Variants in SIGIRR observed in about 807,000 individuals in gnomAD.
The protein encoded by SIGIRR is single Ig IL-1-related receptor.
A neutral mutation model predicts 45.6 loss-of-function variants in SIGIRR; 41 were observed. The ratio of observed to expected loss-of-function variants is 0.90; its 90% CI spans 0.70 to 1.17. The LOEUF (loss-of-function observed/expected upper bound fraction) is 1.17. Among genes scored for constraint, SIGIRR ranks in the 50% most tolerant of loss-of-function variants. The pLI is 0.00. For synonymous variants in SIGIRR, 298 were observed against 239.0 expected (o/e 1.25, Z -2.28); for missense variants, 599 against 539.6 (o/e 1.11, Z -1.09).
At chr11:413,663 TCCTTGCACCCTCTC>T (rs1847770779) in intron 1 of SIGIRR, among the ~76,000 whole-genome samples, 2 of 125,628 alleles carry the variant, frequency 1.6e-5, no homozygotes, top group Admixed American at 1.5e-4. Context: ...TGCCTGCCTC[TCCTTGCACCCTCTC>T]CCCTGCACCC....
At chr11:415,291 G>A (rs187852463), upstream of SIGIRR, among the ~76,000 whole-genome samples, 115 of 151,390 alleles carry the variant, frequency 7.6e-4, no homozygotes, top group Middle Eastern at 6.8e-3. The surrounding 1 kb of genome is among the most constrained non-coding windows in gnomAD (Gnocchi z 6.6). Context: ...CAGTATGTGC[G>A]TGTGCGTGCG....
rs1400475286 is a variant in SIGIRR, at chr11:406,030, A to T, written c.1099T>A (p.Ser367Thr). 1.2e-6 allele frequency: 2 copies of T among 1,602,336 alleles called. No individual in the cohort carries two copies. Among genetic ancestry groups the T allele is most frequent in the Non-Finnish European group, 1.7e-6 (2 of 1,175,306 alleles). ...ACCCCACTGGTGTGCGGTGGAGCTG[A>T]TGGCTCTCCAAAGACAGGCCCCCGG... ...GVRGPVFGEP[S>T]APPHTSGVSL... is the part of the protein sequence containing the mutation. The change falls in exon 10 of 10, where the codon TCA (serine) becomes ACA (threonine). Residue 367 changes from serine (S) to threonine (T), a missense_variant. Ser to Thr is a moderately conservative substitution (Grantham distance 58). Coordinates refer to ENST00000431843, the MANE Select transcript of SIGIRR (RefSeq NM_001135054.2).
At chr11:408,948 C>G in intron 2 of SIGIRR, 55 bp from the exon 3 acceptor site, 2 of 1,523,840 alleles carry the variant, frequency 1.3e-6, no homozygotes, top group Non-Finnish European at 9.1e-7. Context: ...GCCCCACCAC[C>G]TCCACAGTGG....
intron 1 of SIGIRR, 88 bp from the exon 2 acceptor site, chr11:410,115 G>T: frequency 1.7e-6 from 2 of 1,154,874 alleles, no homozygotes; most frequent in Non-Finnish European, 1.1e-6. Flanking sequence ...GCCCTGACCA[G>T]ATGCGACCCT....
At chr11:413,537 C>G (rs952006713) in intron 1 of SIGIRR, among the ~76,000 whole-genome samples, 1 of 151,976 alleles carries the variant, frequency 6.6e-6, no homozygotes, top group Non-Finnish European at 1.5e-5. Flanking sequence ...CCTCAAAGTC[C>G]TCCCTCCAAA....
At chr11:409,408 G>T (rs1466331728) in intron 2 of SIGIRR, 2 of 258,726 alleles carry the variant, frequency 7.7e-6, no homozygotes, top group Non-Finnish European at 1.5e-5. Flanking sequence ...GGAGCAGTTG[G>T]CCTCATTCCT....
chr11:408,945 C>A (rs748174013), intron 2 of SIGIRR, 52 bp from the exon 3 acceptor site: 4 of 1,548,676 alleles, frequency 2.6e-6, no homozygotes, highest in Non-Finnish European at 3.6e-6. Context: ...CTGGCCCCAC[C>A]ACCTCCACAG....
At chr11:409,508 G>C in intron 2 of SIGIRR, 2 of 342,304 alleles carry the variant, frequency 5.8e-6, no homozygotes, top group Non-Finnish European at 1.1e-5. Flanking sequence ...TTACATCAGG[G>C]TGATGAGCCC....
intron 1 of SIGIRR, among the ~76,000 whole-genome samples, chr11:413,924 C>G (rs1847793045): frequency 7.5e-6 from 1 of 132,832 alleles, no homozygotes; most frequent in South Asian, 2.7e-4. Context: ...TTCTGCCTGC[C>G]TCCTCCTGCA....
In SIGIRR at chr11:408,234, C is replaced by T. The variant is rs1288540534; in HGVS notation, c.207-28G>A. The T allele has an allele frequency of 8.7e-6, 14 of 1,610,558 alleles. No individual in the cohort carries two copies. In the Admixed American group the frequency reaches 1.7e-4, roughly 19 times the overall value. On this transcript the variant is annotated intron_variant, in intron 3 of 9. Coordinates refer to ENST00000431843, the MANE Select transcript of SIGIRR (RefSeq NM_001135054.2). ...GGGGATACCAAGCCAGGGTCAGGGTCGACTGGGGATACCAGTGGACACCCC... is the reference window on the plus strand; with the variant it reads ...GGGGATACCAAGCCAGGGTCAGGGTTGACTGGGGATACCAGTGGACACCCC...
In SIGIRR at chr11:408,894, C is replaced by G; in HGVS notation, c.8-1G>C. On this transcript the variant is annotated splice_acceptor_variant, in intron 2 of 9. Coordinates refer to ENST00000431843, the MANE Select transcript of SIGIRR (RefSeq NM_001135054.2). LOFTEE classifies it high-confidence loss of function. The stretch of plus-strand genomic sequence containing the variant: ...AAGTCAGGGGCCCTATCACAGACAC[C>G]TGAAGAGAGAGGACACAGTGGGTCA... 2 of 1,612,430 alleles carry G rather than the reference C, an allele frequency of 1.2e-6. No homozygotes were observed. The highest frequency in any genetic ancestry group is 1.7e-6 in the Non-Finnish European group (2 of 1,179,926).
At chr11:415,493 G>C (rs533410279), upstream of SIGIRR, among the ~76,000 whole-genome samples, 77 of 152,108 alleles carry the variant, frequency 5.1e-4, no homozygotes, top group Non-Finnish European at 1.0e-3. The surrounding 1 kb of genome is among the most constrained non-coding windows in gnomAD (Gnocchi z 6.6). Flanking sequence ...CAAGGGGCCG[G>C]TTTGCTCCCC....
chr11:407,375 G>A (rs1177586893), intron 6 of SIGIRR, 50 bp downstream of exon 6: 1 of 1,466,184 alleles, frequency 6.8e-7, no homozygotes, highest in East Asian at 2.5e-5. Context: ...ATGGGGCGGG[G>A]CGGGGCGGGC....
chr11:410,625 G>C (rs1404890388), intron 1 of SIGIRR, among the ~76,000 whole-genome samples: 4 of 62,752 alleles, frequency 6.4e-5, no homozygotes, highest in African/African-American at 1.2e-4. Flanking sequence ...CAGTCGGGGG[G>C]GGGGGGTGCC....
intron 2 of SIGIRR, chr11:409,343 C>T (rs529955758): frequency 4.3e-4 from 132 of 310,392 alleles, no homozygotes; most frequent in Middle Eastern, 2.7e-3. Flanking sequence ...GGTTTGGGGA[C>T]CCAGATGCCC....
chr11:408,743 C>T lies in SIGIRR; in HGVS notation c.158G>A (p.Gly53Glu). The T allele has an allele frequency of 6.2e-7, 1 of 1,612,770 alleles. No homozygotes were observed. The highest frequency in any genetic ancestry group is 8.5e-7 in the Non-Finnish European group (1 of 1,179,976). ...SLPSVQWLKD[G>E]LPLGIGGHYS... ...GTGGCCCCCAATTCCCAATGGAAGCCCGTCTTTCAGCCACTGGACTGAAGG... is the reference window on the plus strand; with the variant it reads ...GTGGCCCCCAATTCCCAATGGAAGCTCGTCTTTCAGCCACTGGACTGAAGG... Residue 53 changes from glycine to glutamate, a missense_variant, in exon 3 of 10, where the codon GGG becomes GAG. Gly to Glu is a moderately conservative substitution (Grantham distance 98). Coordinates refer to ENST00000431843, the MANE Select transcript of SIGIRR (RefSeq NM_001135054.2).
In SIGIRR at chr11:406,852, G is replaced by C. The variant is rs1326217235; in HGVS notation, c.870C>G (p.Pro290=). 1.9e-6 allele frequency: 3 copies of C among 1,561,970 alleles called. No individual in the cohort carries two copies. The highest frequency in any genetic ancestry group is 1.4e-5 in the African/African-American group (1 of 74,046). ...CGCGCCTGCTCCGCACCACGGAGCC[G>C]GGCCTCCAGAGCAGCAAGGTCACCA... ...RHLVTLLLWR[P]GSVTPSSDFW... The change falls in exon 8 of 10, where the codon CCC becomes CCG. Residue 290 remains proline (P), a synonymous_variant. Transcript: ENST00000431843.
In SIGIRR at chr11:407,566, C is replaced by T. The variant is rs751936085; in HGVS notation, c.484G>A (p.Gly162Arg). 4 of 1,606,172 alleles carry T rather than the reference C, an allele frequency of 2.5e-6. No homozygotes were observed. The highest frequency in any genetic ancestry group is 3.4e-5 in the Admixed American group (2 of 59,626). The change falls in exon 6 of 10, where the codon GGG becomes AGG. Residue 162 changes from glycine to arginine, a missense_variant and splice_region_variant. Physicochemically the swap from Gly to Arg is moderately radical, Grantham distance 125. Transcript: ENST00000431843. The part of the protein sequence containing the change: ...DAYGEVEIND[G>R]KLYDAYVSYS... Reference sequence around the variant, plus strand: ...GAGACGTAGGCGTCGTAGAGCTTCCCGTCTGCGGACGGCGGCCAGTCACCC... The same window carrying T: ...GAGACGTAGGCGTCGTAGAGCTTCCTGTCTGCGGACGGCGGCCAGTCACCC...
upstream of SIGIRR, among the ~76,000 whole-genome samples, chr11:415,357 A>G (rs7932576): frequency 0.87 from 131,182 of 150,756 alleles, 57,480 homozygotes; most frequent in East Asian, 1. The surrounding 1 kb of genome is among the most constrained non-coding windows in gnomAD (Gnocchi z 6.6). Context: ...GGCAGGTTCC[A>G]GGGGTAATGC....
Sources: gnomAD v4.1 joint callset for allele counts (sites outside exome capture counted in the v4.1 genomes callset) on GRCh38, gnomAD v4.1.1 for gene constraint, Gnocchi (gnomAD v3.1) non-coding constraint, MANE v1.5 for transcripts, NCBI Gene and HGNC (gene_info 2026-07-23, HGNC 2026-07-21) for gene names.